The following OSBP2 variants were observed in gnomAD, a reference collection of about 807,000 sequenced individuals.
The protein encoded by OSBP2 is oxysterol binding protein 2.
A neutral mutation model predicts 96.0 loss-of-function variants in OSBP2; 66 were observed. The ratio of observed to expected loss-of-function variants is 0.69; its 90% CI spans 0.56 to 0.84. The LOEUF (loss-of-function observed/expected upper bound fraction) is 0.84. Among genes scored for constraint, OSBP2 ranks in the 40% least tolerant of loss-of-function variants. The probability of loss-of-function intolerance (pLI) is 0.00; values close to 1 mark genes in which losing one functional copy is unlikely to be tolerated. For synonymous variants in OSBP2, 525 were observed against 520.9 expected (o/e 1.01, Z -0.11); for missense variants, 1,038 against 1,222.7 (o/e 0.85, Z 2.25).
Position 30,862,007 on chromosome 22 carries a change from G to A in OSBP2, c.854-8422G>A, listed in dbSNP as rs191496195. Among the ~76,000 whole-genome samples, 12 of 152,306 alleles carry A rather than the reference G, an allele frequency of 7.9e-5. No individual in the cohort carries two copies. The East Asian group carries it at 2.3e-3, about 29-fold the overall frequency. The stretch of plus-strand genomic sequence containing the variant: ...GTAAAGCTGCCACCTCATCCCAAAA[G>A]CCTTCTCAGAGCCCTACCTGCAGCC... On this transcript the variant is annotated intron_variant, in intron 2 of 13. Transcript: ENST00000332585.
chr22:30,872,288 G>A (rs1001009801), intron 3 of OSBP2: 1 of 456,658 alleles, frequency 2.2e-6, no homozygotes, highest in South Asian at 1.5e-5. Flanking sequence ...TAATGCGTTT[G>A]TATTTCCCTG....
chr22:30,755,635 G>A (rs774645920), intron 2 of OSBP2, among the ~76,000 whole-genome samples: 28 of 152,232 alleles, frequency 1.8e-4, no homozygotes, highest in Admixed American at 3.9e-4. Context: ...AGTCAACCAG[G>A]GCTGGCTTGC....
At chr22:30,882,706 A>G (rs2039729413) in intron 3 of OSBP2, among the ~76,000 whole-genome samples, 1 of 152,144 alleles carries the variant, frequency 6.6e-6, no homozygotes, top group African/African-American at 2.4e-5. Flanking sequence ...GCCCCAGGAG[A>G]TGAGGCTGGA....
At chr22:30,853,328 T>C (rs1003404345) in intron 2 of OSBP2, among the ~76,000 whole-genome samples, 1 of 152,244 alleles carries the variant, frequency 6.6e-6, no homozygotes, top group Admixed American at 6.5e-5. Context: ...TTGTGTTATC[T>C]TGATGAACTG....
intron 2 of OSBP2, among the ~76,000 whole-genome samples, chr22:30,762,067 A>G (rs2090210742): frequency 6.6e-6 from 1 of 151,734 alleles, no homozygotes; most frequent in Non-Finnish European, 1.5e-5. Context: ...CCCAAAATAG[A>G]AATATTAGCC....
intron 2 of OSBP2, among the ~76,000 whole-genome samples, chr22:30,836,289 T>C (rs1227914642): frequency 6.6e-6 from 1 of 152,216 alleles, no homozygotes; most frequent in African/African-American, 2.4e-5. Context: ...ATTCCTGTTT[T>C]AGAAATGGGA....
rs369087861 is a variant in OSBP2, at chr22:30,866,054, A to G, written c.854-4375A>G. On this transcript the variant is annotated intron_variant, in intron 2 of 13. Transcript: ENST00000332585. ...ACCGTAATGATCAGTGCGAGTGAGA[A>G]TGTGGCACAGTGTGCAGCCCAGCCA... is the stretch of plus-strand genomic sequence containing the variant. Among the ~76,000 whole-genome samples the G allele has an allele frequency of 6.6e-5, 10 of 152,316 alleles. No individual in the cohort carries two copies. In the South Asian group the frequency reaches 2.1e-3, roughly 32 times the overall value.
intron 8 of OSBP2, among the ~76,000 whole-genome samples, chr22:30,892,634 C>T (rs747848441): frequency 7.9e-5 from 12 of 152,060 alleles, no homozygotes; most frequent in Admixed American, 1.3e-4. Context: ...GGCAGTGCAT[C>T]GATGTGGATG....
Position 30,776,115 on chromosome 22 carries a change from CTT to C in OSBP2, c.853+34759_853+34760del, listed in dbSNP as rs66689098. ...CCAGACTCATTTTTCTTTTTCTTTTCTTTTTTTTTTTTTTATTTTTCTTTTCT... is the reference window on the plus strand; with the variant it reads ...CCAGACTCATTTTTCTTTTTCTTTTCTTTTTTTTTTTTATTTTTCTTTTCT... On this transcript the variant is annotated intron_variant, in intron 2 of 13. Transcript: ENST00000332585. 1.6e-3 allele frequency among the ~76,000 whole-genome samples: 223 copies of C among 139,474 alleles called. 5 individuals carry two copies. Among genetic ancestry groups the C allele is most frequent in the Admixed American group, 4.4e-3 (62 of 14,110 alleles). 91.5% of individuals were successfully genotyped at this position (139,474 alleles called of 152,430 possible).
At position 30,849,165 on chromosome 22, in the gene OSBP2, G is replaced by A. The variant is rs571156024; in HGVS notation, c.854-21264G>A. ...CGCCTGTAGTCCTAGCTGCTCAGGA[G>A]GCTGAGGTGGGAGGATTGCTTGAGC... On this transcript the variant is annotated intron_variant, in intron 2 of 13. Transcript: ENST00000332585. Among the ~76,000 whole-genome samples, 14 of 152,264 alleles carry A rather than the reference G, an allele frequency of 9.2e-5. No homozygotes were observed. In the East Asian group the frequency reaches 2.5e-3, roughly 27 times the overall value.
chr22:30,706,676 C>CT, intron 1 of OSBP2, among the ~76,000 whole-genome samples: 1 of 152,184 alleles, frequency 6.6e-6, no homozygotes, highest in Non-Finnish European at 1.5e-5. Flanking sequence ...TCCTGCCTCT[C>CT]TTTTCCCTAT....
intron 2 of OSBP2, among the ~76,000 whole-genome samples, chr22:30,768,693 AAAAC>A (rs1474201945): frequency 6.6e-6 from 1 of 152,130 alleles, no homozygotes; most frequent in Non-Finnish European, 1.5e-5. Flanking sequence ...AAAAAAAACA[AAAAC>A]AAAAACCAAG....
At chr22:30,715,855 CCTT>C (rs2145694188) in intron 1 of OSBP2, among the ~76,000 whole-genome samples, 1 of 82,906 alleles carries the variant, frequency 1.2e-5, no homozygotes, top group East Asian at 4.6e-4. Flanking sequence ...CCACACCTAA[CCTT>C]TTTTTTTTTT....
intron 3 of OSBP2, among the ~76,000 whole-genome samples, chr22:30,883,401 G>A (rs2039742077): frequency 6.6e-6 from 1 of 152,208 alleles, no homozygotes; most frequent in Non-Finnish European, 1.5e-5. Context: ...GGGAGATGAG[G>A]GTGTCCTTCC....
chr22:30,876,304 G>T (rs2039576933), intron 3 of OSBP2, among the ~76,000 whole-genome samples: 1 of 152,226 alleles, frequency 6.6e-6, no homozygotes, highest in Non-Finnish European at 1.5e-5. Flanking sequence ...TGCCCACCCA[G>T]TTATCCTTCC....
At chr22:30,848,415 C>CT (rs1216387492) in intron 2 of OSBP2, among the ~76,000 whole-genome samples, 1 of 152,064 alleles carries the variant, frequency 6.6e-6, no homozygotes, top group Non-Finnish European at 1.5e-5. Flanking sequence ...AATGGTTGTC[C>CT]TTTTTTTCCT....
intron 1 of OSBP2, among the ~76,000 whole-genome samples, chr22:30,730,773 T>TC (rs2089753427): frequency 2.0e-4 from 8 of 40,074 alleles, no homozygotes; most frequent in Admixed American, 3.3e-4. Context: ...TCTCTCTCTC[T>TC]CTATATATAT....
At chr22:30,728,819 A>C (rs1180365315) in intron 1 of OSBP2, among the ~76,000 whole-genome samples, 4 of 152,246 alleles carry the variant, frequency 2.6e-5, no homozygotes, top group African/African-American at 9.6e-5. Flanking sequence ...TAACTAACTC[A>C]TTTGTTTTAA....
chr22:30,818,805 C>G (rs545803202), intron 2 of OSBP2, among the ~76,000 whole-genome samples: 9 of 152,088 alleles, frequency 5.9e-5, no homozygotes, highest in African/African-American at 2.2e-4. Flanking sequence ...CCAGGTGGGG[C>G]GTGACAAGGA....
Sources: allele counts gnomAD v4.1 joint callset (sites outside exome capture counted in the v4.1 genomes callset), GRCh38; gene constraint gnomAD v4.1.1; transcripts MANE v1.5; gene names NCBI Gene and HGNC (gene_info 2026-07-23, HGNC 2026-07-21).